The following CHRAC1 variants were observed in gnomAD, a reference collection of about 807,000 sequenced individuals.
CHRAC1 encodes chromatin accessibility complex subunit 1, also known as chromatin accessibility complex protein 1.
A neutral mutation model predicts 9.1 loss-of-function variants in CHRAC1; 6 were observed. The ratio of observed to expected loss-of-function variants is 0.66; its 90% CI spans 0.36 to 1.29. The LOEUF (loss-of-function observed/expected upper bound fraction) is 1.29, where lower values mean the gene tolerates loss of function less well. Ranked by LOEUF, CHRAC1 falls within the 50% of genes most tolerant of loss-of-function variation. The pLI is 0.03. For missense variants in CHRAC1, 168 were observed against 163.5 expected, an observed-to-expected ratio of 1.03 and a Z score of -0.15; for synonymous variants, 73 against 64.5, an observed-to-expected ratio of 1.13 and a Z score of -0.63.
At chr8:140,511,956 G>A (rs981431407) in intron 1 of CHRAC1, 42 of 1,241,292 alleles carry the variant, frequency 3.4e-5, no homozygotes, top group Non-Finnish European at 4.0e-5. Flanking sequence ...CCTTCCTTCC[G>A]TGCGCACCTT....
chr8:140,512,011 C>A (rs2072281561), intron 1 of CHRAC1: 1 of 1,288,542 alleles, frequency 7.8e-7, no homozygotes, highest in Non-Finnish European at 1.0e-6. Flanking sequence ...TCTCGCGCTT[C>A]CATTCGGCAA....
chr8:140,511,746 G>T, intron 1 of CHRAC1, 100 bp downstream of exon 1: 2 of 1,105,982 alleles, frequency 1.8e-6, no homozygotes, highest in South Asian at 3.0e-5. Context: ...GCGCGCCGCC[G>T]GCTGCTCTTG....
intron 1 of CHRAC1, chr8:140,511,872 C>A: frequency 1.3e-6 from 1 of 789,312 alleles, no homozygotes; most frequent in Non-Finnish European, 1.9e-6. Flanking sequence ...CGCTCCCTCA[C>A]GTTCTCCAGT....
At position 140,516,513 on chromosome 8, in the gene CHRAC1, T is replaced by C. The variant is rs1363066743; in HGVS notation, c.*1266T>C. 3.9e-5 allele frequency: 6 copies of C among 152,180 alleles called. No individual in the cohort carries two copies. The highest frequency in any genetic ancestry group is 8.8e-5 in the Non-Finnish European group (6 of 68,036). The allele number at this position is 152,180 out of a possible 1,614,324, so 9.4% of individuals were successfully genotyped here. Reference sequence around the variant, plus strand: ...TTTACATTCAGTAAAATCACCCTTTTTAGTGTCTAGTCTGTGAATTTTGAC... The same window carrying C: ...TTTACATTCAGTAAAATCACCCTTTCTAGTGTCTAGTCTGTGAATTTTGAC... On this transcript the variant is annotated 3_prime_UTR_variant, in exon 3 of 3. Transcript: ENST00000220913.
chr8:140,515,757 T>C lies in CHRAC1; in HGVS notation c.*510T>C, dbSNP rs1447140753. On this transcript the variant is annotated 3_prime_UTR_variant, in exon 3 of 3. Transcript: ENST00000220913. ...CAGATATTTTTCTACTGTAAAGAAA[T>C]ATACTTTTCTATTAAAGATCTGTAC... is the stretch of plus-strand genomic sequence containing the variant. The C allele has an allele frequency of 6.6e-6, 1 of 152,534 alleles. No homozygotes were observed. The highest frequency in any genetic ancestry group is 2.4e-5 in the African/African-American group (1 of 41,476). The allele number at this position is 152,534 out of a possible 1,614,324, so 9.4% of individuals were successfully genotyped here. A position where few individuals can be genotyped will look rare whatever the true frequency, so the allele number is the denominator to read the frequency against.
intron 2 of CHRAC1, 21 bp downstream of exon 2, chr8:140,514,516 T>G (rs773063765): frequency 1.2e-5 from 18 of 1,531,334 alleles, no homozygotes; most frequent in Non-Finnish European, 1.5e-5. Context: ...TTTGAAACAT[T>G]CTGGTTAAAA....
rs1048025670 is a variant in CHRAC1 at position 140,512,873 on chromosome 8, G to T, written c.147+1227G>T. 2.0e-5 allele frequency among the ~76,000 whole-genome samples: 3 copies of T among 152,100 alleles called. No individual in the cohort carries two copies. The East Asian group carries it at 5.8e-4, about 29-fold the overall frequency. On this transcript the variant is annotated intron_variant, in intron 1 of 2. Transcript: ENST00000220913. ...GATGGAGTTTCCCAGGCTGGAGTGC[G>T]GTGGCACTGTCTTGCTCACTGCAAC...
chr8:140,514,166 A>G, intron 1 of CHRAC1: 1 of 430,328 alleles, frequency 2.3e-6, no homozygotes, highest in Non-Finnish European at 3.9e-6. Flanking sequence ...TCAGCCTCCC[A>G]AAGTGTTAGT....
In CHRAC1 at chr8:140,511,552, C is replaced by T. The variant is rs138836941; in HGVS notation, c.53C>T (p.Ser18Leu). The T allele has an allele frequency of 1.0e-3, 1,510 of 1,445,110 alleles. 6 individuals are homozygous for T. The African/African-American group carries it at 0.012, about 11-fold the overall frequency. The allele number at this position is 1,445,110 out of a possible 1,614,324, so 89.5% of individuals were successfully genotyped here. ...AAGGGCGGGGAGCAGCGGCTCATCT[C>T]GCTGCCTCTATCCCGCATCCGGGTC... The part of the protein sequence containing the change: ...KDKGGEQRLI[S>L]LPLSRIRVIM... The change falls in exon 1 of 3, where the codon TCG (serine) becomes TTG (leucine). Residue 18 changes from serine to leucine, a missense_variant. Coordinates refer to ENST00000220913, the MANE Select transcript of CHRAC1 (RefSeq NM_017444.6).
At position 140,511,373 on chromosome 8, in the gene CHRAC1, G is replaced by C. The variant is rs35032287; in HGVS notation, c.-127G>C. On this transcript the variant is annotated 5_prime_UTR_variant, in exon 1 of 3. Transcript: ENST00000220913. ...GGGCCGCTCCCGGCCTCGCGGCCTC[G>C]CCTCCCCACACTACAACTCCCACGG... is the stretch of plus-strand genomic sequence containing the variant. 3 of 856,158 alleles carry C rather than the reference G, an allele frequency of 3.5e-6. No homozygotes were observed. Among genetic ancestry groups the C allele is most frequent in the Non-Finnish European group, 3.1e-6 (2 of 638,424 alleles). The allele number at this position is 856,158 out of a possible 1,614,324, so 53.0% of individuals were successfully genotyped here.
rs1321048561 is a variant in CHRAC1 at position 140,515,761 on chromosome 8, C to G, written c.*514C>G. 6.6e-6 allele frequency: 1 copy of G among 152,354 alleles called. No homozygotes were observed. The highest frequency in any genetic ancestry group is 2.4e-5 in the African/African-American group (1 of 41,416). The allele number at this position is 152,354 out of a possible 1,614,324, so 9.4% of individuals were successfully genotyped here. On this transcript the variant is annotated 3_prime_UTR_variant, in exon 3 of 3. Coordinates refer to ENST00000220913, the MANE Select transcript of CHRAC1 (RefSeq NM_017444.6). ...TATTTTTCTACTGTAAAGAAATATA[C>G]TTTTCTATTAAAGATCTGTACATAT...
intron 2 of CHRAC1, 94 bp downstream of exon 2, chr8:140,514,589 T>C: frequency 8.8e-7 from 1 of 1,142,268 alleles, no homozygotes; most frequent in Non-Finnish European, 1.2e-6. Flanking sequence ...CACGGAAAAT[T>C]AGACTTTTTG....
At chr8:140,513,944 GGAGTCTTGCTT>G (rs1266280393) in intron 1 of CHRAC1, among the ~76,000 whole-genome samples, 1 of 115,714 alleles carries the variant, frequency 8.6e-6, no homozygotes, top group Non-Finnish European at 1.7e-5. Context: ...TTTTTGAGAC[GGAGTCTTGCTT>G]GATCACCCAG....
At chr8:140,513,859 G>C (rs1018452788) in intron 1 of CHRAC1, among the ~76,000 whole-genome samples, 1 of 146,322 alleles carries the variant, frequency 6.8e-6, no homozygotes, top group East Asian at 2.1e-4. Flanking sequence ...CGCCAATTTT[G>C]ATACTGGCTT....
intron 1 of CHRAC1, among the ~76,000 whole-genome samples, chr8:140,513,241 A>G (rs919982085): frequency 6.6e-6 from 1 of 152,236 alleles, no homozygotes; most frequent in Admixed American, 6.5e-5. Context: ...AGGAGGGAGA[A>G]GATCAGTTCC....
chr8:140,514,518 T>A lies in CHRAC1; in HGVS notation c.274+23T>A, dbSNP rs1259195911. 1 of 1,530,548 alleles carries A rather than the reference T, an allele frequency of 6.5e-7. No individual in the cohort carries two copies. The highest frequency in any genetic ancestry group is 8.7e-7 in the Non-Finnish European group (1 of 1,148,340). The allele number at this position is 1,530,548 out of a possible 1,614,324, so 94.8% of individuals were successfully genotyped here. A position where few individuals can be genotyped will look rare whatever the true frequency, so the allele number is the denominator to read the frequency against. ...CAGGTACTTAGTCTTTGAAACATTC[T>A]GGTTAAAAAATGATTAGTAATCAAT... On this transcript the variant is annotated intron_variant, in intron 2 of 2. Transcript: ENST00000220913.
At position 140,517,063 on chromosome 8, in the gene CHRAC1, T is replaced by A. The variant is rs2072346603; in HGVS notation, c.*1816T>A. On this transcript the variant is annotated 3_prime_UTR_variant, in exon 3 of 3. Transcript: ENST00000220913. ...AAACTTGAGTTTTGTGTAATTTTCA[T>A]GTGTCATGAAATACTGTTTTCTCCA... 1.3e-5 allele frequency: 2 copies of A among 152,226 alleles called. No homozygotes were observed. The highest frequency in any genetic ancestry group is 4.1e-4 in the South Asian group (2 of 4,832). 9.4% of individuals were successfully genotyped at this position (152,226 alleles called of 1,614,324 possible).
Position 140,515,405 on chromosome 8 carries a change from G to GA in CHRAC1, c.*159dup. The GA allele has an allele frequency of 2.6e-6, 2 of 756,982 alleles. No individual in the cohort carries two copies. Among genetic ancestry groups the GA allele is most frequent in the Non-Finnish European group, 4.2e-6 (2 of 479,734 alleles). 46.9% of individuals were successfully genotyped at this position (756,982 alleles called of 1,614,324 possible). ...GAGGTATTCTTTCCAGGCCGAGATT[G>GA]AGCACCTCATGTACCTACGCCACAG... On this transcript the variant is annotated 3_prime_UTR_variant, in exon 3 of 3. Transcript: ENST00000220913.
intron 1 of CHRAC1, 200 bp from the exon 2 acceptor site, chr8:140,514,169 G>A: frequency 2.2e-6 from 1 of 448,118 alleles, no homozygotes; most frequent in Non-Finnish European, 3.8e-6. Flanking sequence ...GCCTCCCAAA[G>A]TGTTAGTATT....
Sources: allele counts gnomAD v4.1 joint callset (sites outside exome capture counted in the v4.1 genomes callset), GRCh38; gene constraint gnomAD v4.1.1; transcripts MANE v1.5; gene names NCBI Gene and HGNC (gene_info 2026-07-23, HGNC 2026-07-21).